Variants in MRO observed in about 807,000 individuals in gnomAD.
The protein encoded by MRO is maestro.
In MRO, 28 loss-of-function variants were observed where a neutral mutation model predicts 31.0. The observed-to-expected ratio is 0.90, with a 90% CI of 0.67 to 1.24. The LOEUF (loss-of-function observed/expected upper bound fraction) is 1.24. Among genes scored for constraint, MRO ranks in the 50% most tolerant of loss-of-function variants. The pLI is 0.00. For synonymous variants in MRO, 108 were observed against 108.4 expected (o/e 1.00, Z 0.02); for missense variants, 332 against 289.2 (o/e 1.15, Z -1.07).
intron 2 of MRO, among the ~76,000 whole-genome samples, chr18:50,816,683 G>A (rs906072092): frequency 2.0e-5 from 3 of 148,504 alleles, no homozygotes; most frequent in African/African-American, 7.4e-5. Flanking sequence ...CGCTTGCAAC[G>A]TCTATTTTAA....
chr18:50,820,061 C>G (rs1445561885), upstream of MRO: 29 of 1,141,422 alleles, frequency 2.5e-5, no homozygotes, highest in Non-Finnish European at 3.3e-5. Flanking sequence ...TGCCAAGGCC[C>G]GTTCCCCATG....
chr18:50,800,791 C>G (rs754222958), intron 6 of MRO, among the ~76,000 whole-genome samples: 2 of 150,888 alleles, frequency 1.3e-5, no homozygotes, highest in Admixed American at 6.6e-5. Flanking sequence ...GAGGTTGAGG[C>G]AGGAGAATTG....
Position 50,795,993 on chromosome 18 carries a change from G to A in MRO, c.*3344C>T, listed in dbSNP as rs897650952. 6.6e-6 allele frequency: 1 copy of A among 152,140 alleles called. No individual in the cohort carries two copies. The highest frequency in any genetic ancestry group is 6.5e-5 in the Admixed American group (1 of 15,270). The allele number at this position is 152,140 out of a possible 1,614,324, so 9.4% of individuals were successfully genotyped here. On this transcript the variant is annotated 3_prime_UTR_variant, in exon 8 of 8. Coordinates refer to ENST00000398439, the MANE Select transcript of MRO (RefSeq NM_031939.6). ...ATCTCATGAGCACCAGAGACACAGG[G>A]ACCAAGCAAAGCTCTACCCTGGGCA...
Position 50,801,361 on chromosome 18 carries a change from G to GGGAT in MRO, c.569_572dup (p.Gln192SerfsTer29), listed in dbSNP as rs761482928. ...GTCAAGGTCTTACCTTGGCAACCTG[G>GGGAT]GGATTTCTGTCCTGTAAATGGATCA... On this transcript the variant is annotated frameshift_variant, in exon 6 of 8. Coordinates refer to ENST00000398439, the MANE Select transcript of MRO (RefSeq NM_031939.6). LOFTEE classifies it high-confidence loss of function. The GGGAT allele has an allele frequency of 5.1e-6, 8 of 1,583,166 alleles. No individual in the cohort carries two copies. In the African/African-American group the frequency reaches 9.5e-5, roughly 19 times the overall value.
chr18:50,806,359 C>CA (rs1327105962), intron 4 of MRO, among the ~76,000 whole-genome samples: 1 of 151,900 alleles, frequency 6.6e-6, no homozygotes, highest in East Asian at 1.9e-4. Flanking sequence ...ATACAGCAGG[C>CA]AAAAAAACAG....
rs146819528 is a variant in MRO at position 50,817,507 on chromosome 18, A to AAATAAT, written c.-5+2068_-5+2073dup. ...GATCCTGTCTCTAAAAAATAAAAAT[A>AAATAAT]AATAATAATAATAACAATAAACTCC... On this transcript the variant is annotated intron_variant, in intron 2 of 7. Transcript: ENST00000398439. Among the ~76,000 whole-genome samples, 221 of 151,454 alleles carry AAATAAT rather than the reference A, an allele frequency of 1.5e-3. 1 individual carries two copies. In the East Asian group the frequency reaches 0.024, roughly 16 times the overall value.
chr18:50,803,024 C>A lies in MRO; in HGVS notation c.430-1520G>T, dbSNP rs905873209. ...GATGTACAGACACGTAAGACAGATG[C>A]TCGCCCCGCTAGGAGTCTGACAACC... is the stretch of plus-strand genomic sequence containing the variant. On this transcript the variant is annotated intron_variant, in intron 5 of 7. Transcript: ENST00000398439. 2.6e-5 allele frequency among the ~76,000 whole-genome samples: 4 copies of A among 152,134 alleles called. 1 individual carries two copies. The highest frequency in any genetic ancestry group is 4.2e-4 in the South Asian group (2 of 4,818).
At position 50,799,004 on chromosome 18, in the gene MRO, G is replaced by A. The variant is rs1234296158; in HGVS notation, c.*333C>T. On this transcript the variant is annotated 3_prime_UTR_variant, in exon 8 of 8. Coordinates refer to ENST00000398439, the MANE Select transcript of MRO (RefSeq NM_031939.6). ...CAGAAATTGAGTATTAAAAATAAAA[G>A]CTAGGTGACAGAGATGAACTTAAGA... is the stretch of plus-strand genomic sequence containing the variant. 5.3e-6 allele frequency: 1 copy of A among 190,450 alleles called. No homozygotes were observed. Among genetic ancestry groups the A allele is most frequent in the African/African-American group, 2.4e-5 (1 of 42,218 alleles). The allele number at this position is 190,450 out of a possible 1,614,324, so 11.8% of individuals were successfully genotyped here.
rs1003969008 is a variant in MRO, at chr18:50,804,620, T to C, written c.429+534A>G. 3.6e-4 allele frequency among the ~76,000 whole-genome samples: 54 copies of C among 151,808 alleles called. 1 individual carries two copies. In the Middle Eastern group the frequency reaches 0.014, roughly 38 times the overall value. ...CAGCCTGGGTGACAGAGTGAGACCC[T>C]GTCTCAAACAGACAAAAAAACCCTT... On this transcript the variant is annotated intron_variant, in intron 5 of 7. Coordinates refer to ENST00000398439, the MANE Select transcript of MRO (RefSeq NM_031939.6).
intron 1 of MRO, 78 bp downstream of exon 1, chr18:50,819,819 T>C: frequency 6.5e-7 from 1 of 1,538,178 alleles, no homozygotes; most frequent in South Asian, 1.2e-5. Context: ...GTTTATAGAG[T>C]ATTTGGGCAG....
At chr18:50,809,197 G>A in intron 3 of MRO, 105 bp downstream of exon 3, 1 of 491,110 alleles carries the variant, frequency 2.0e-6, no homozygotes, top group South Asian at 3.4e-5. Context: ...TTTTTCAGAA[G>A]GAACTTCAGT....
rs570715298 is a variant in MRO at position 50,796,085 on chromosome 18, G to T, written c.*3252C>A. 1 of 152,072 alleles carries T rather than the reference G, an allele frequency of 6.6e-6. No individual in the cohort carries two copies. Among genetic ancestry groups the T allele is most frequent in the Admixed American group, 6.5e-5 (1 of 15,270 alleles). 9.4% of individuals were successfully genotyped at this position (152,072 alleles called of 1,614,324 possible). ...TTCTTTCATTCAACTGCTCAATAAGGTTCAAAATTAATGTTCAAAATTAAG... is the reference window on the plus strand; with the variant it reads ...TTCTTTCATTCAACTGCTCAATAAGTTTCAAAATTAATGTTCAAAATTAAG... On this transcript the variant is annotated 3_prime_UTR_variant, in exon 8 of 8. Transcript: ENST00000398439.
chr18:50,825,296 T>C (rs1055433571), intron 1 of MRO: 8 of 152,252 alleles, frequency 5.3e-5, no homozygotes, highest in Non-Finnish European at 1.2e-4. Flanking sequence ...GAAACTGTTC[T>C]GTGCTGTCTT....
At chr18:50,814,093 G>A (rs899844603) in intron 2 of MRO, among the ~76,000 whole-genome samples, 2 of 152,146 alleles carry the variant, frequency 1.3e-5, no homozygotes, top group African/African-American at 4.8e-5. Flanking sequence ...AGAACCTAAT[G>A]ATTCTCAGGT....
At chr18:50,804,380 CT>C (rs1249018094) in intron 5 of MRO, among the ~76,000 whole-genome samples, 4 of 152,210 alleles carry the variant, frequency 2.6e-5, no homozygotes, top group Non-Finnish European at 4.4e-5. Context: ...AATCCTAACA[CT>C]TTGGGAGGCC....
rs1262226100 is a variant in MRO at position 50,806,834 on chromosome 18, C to T, written c.116G>A (p.Arg39Lys). ...CTTCAGAGGCTCCCGCTTCTGGAACCTCAGTTTCCAAGAGACCTGGGTGAT... is the reference window on the plus strand; with the variant it reads ...CTTCAGAGGCTCCCGCTTCTGGAACTTCAGTTTCCAAGAGACCTGGGTGAT... ...SFFSKVSWKL[R>K]FQKREPLKNV... Residue 39 changes from arginine (R) to lysine (K), a missense_variant, in exon 4 of 8, where the codon AGG becomes AAG. Transcript: ENST00000398439. 2 of 1,614,034 alleles carry T rather than the reference C, an allele frequency of 1.2e-6. No homozygotes were observed. The highest frequency in any genetic ancestry group is 1.7e-6 in the Non-Finnish European group (2 of 1,180,016).
intron 5 of MRO, among the ~76,000 whole-genome samples, chr18:50,802,714 T>TTTTTTG (rs61341717): frequency 7.2e-5 from 11 of 152,022 alleles, no homozygotes; most frequent in East Asian, 3.9e-4. Flanking sequence ...GTTTTTGTTT[T>TTTTTTG]TTTTTGTTTT....
At chr18:50,802,288 C>T (rs1386253873) in intron 5 of MRO, among the ~76,000 whole-genome samples, 2 of 152,180 alleles carry the variant, frequency 1.3e-5, no homozygotes, top group Non-Finnish European at 2.9e-5. Flanking sequence ...CACCCTCCCA[C>T]CTCTCCCTGC....
At chr18:50,821,962 C>A (rs1292371458), upstream of MRO, among the ~76,000 whole-genome samples, 2 of 152,182 alleles carry the variant, frequency 1.3e-5, no homozygotes, top group Non-Finnish European at 2.9e-5. Flanking sequence ...TCAAAATCAA[C>A]GCATGATGCC....
Sources: gnomAD v4.1 joint callset for allele counts (sites outside exome capture counted in the v4.1 genomes callset) on GRCh38, gnomAD v4.1.1 for gene constraint, MANE v1.5 for transcripts, NCBI Gene and HGNC (gene_info 2026-07-23, HGNC 2026-07-21) for gene names.